The following PI4KA variants were observed in gnomAD, a reference collection of about 807,000 sequenced individuals.
The protein encoded by PI4KA is phosphatidylinositol 4-kinase alpha.
A neutral mutation model predicts 271.4 loss-of-function variants in PI4KA; 122 were observed. The observed-to-expected ratio is 0.45, with a 90% CI of 0.39 to 0.52. The LOEUF is 0.52. Among genes scored for constraint, PI4KA ranks in the 20% least tolerant of loss-of-function variants. PI4KA has a pLI of 0.00. For synonymous variants in PI4KA, 1,041 were observed against 1,078.8 expected (o/e 0.96, Z 0.69); for missense variants, 1,969 against 2,769.1 (o/e 0.71, Z 6.48).
chr22:20,805,078 T>C lies in PI4KA; in HGVS notation c.1256A>G (p.His419Arg), dbSNP rs761524730. 3.7e-6 allele frequency: 6 copies of C among 1,614,110 alleles called. No homozygotes were observed. The highest frequency in any genetic ancestry group is 3.3e-5 in the South Asian group (3 of 91,076). The change falls in exon 11 of 55, where the codon CAT becomes CGT. Residue 419 changes from histidine (H) to arginine (R), a missense_variant. Transcript: ENST00000255882. ...TSQGELQKIL[H>R]DADRIHNELS... Reference sequence around the variant, plus strand: ...CTCATTGTGGATCCGGTCTGCGTCATGTAGAATCTTCTGGAGCTCCCCCTG... The same window carrying C: ...CTCATTGTGGATCCGGTCTGCGTCACGTAGAATCTTCTGGAGCTCCCCCTG...
chr22:20,786,639 C>A (rs192425737), intron 19 of PI4KA, among the ~76,000 whole-genome samples: 6 of 152,262 alleles, frequency 3.9e-5, no homozygotes, highest in Non-Finnish European at 5.9e-5. Context: ...CCAGCCCCCA[C>A]GACCCTCAGA....
chr22:20,756,419 C>T (rs969780199), intron 23 of PI4KA, among the ~76,000 whole-genome samples: 2 of 152,126 alleles, frequency 1.3e-5, no homozygotes, highest in African/African-American at 4.8e-5. Flanking sequence ...GGGGTTTCTC[C>T]GTGTTGGTCA....
At chr22:20,852,899 A>G (rs1395518832) in intron 1 of PI4KA, among the ~76,000 whole-genome samples, 1 of 152,188 alleles carries the variant, frequency 6.6e-6, no homozygotes, top group African/African-American at 2.4e-5. Flanking sequence ...ACATATGTCC[A>G]CCAAGGAGGG....
intron 53 of PI4KA, among the ~76,000 whole-genome samples, 196 bp downstream of exon 53, chr22:20,709,712 T>C (rs1925000668): frequency 8.2e-6 from 1 of 121,288 alleles, no homozygotes; most frequent in Non-Finnish European, 1.7e-5. Context: ...GGGTCTCTGG[T>C]GTGGCCGGCA....
intron 2 of PI4KA, among the ~76,000 whole-genome samples, chr22:20,836,709 G>A (rs1406907609): frequency 1.3e-5 from 2 of 152,178 alleles, no homozygotes; most frequent in Non-Finnish European, 2.9e-5. Context: ...CAGGGGGCTG[G>A]CAAAGCATGC....
chr22:20,746,592 T>TA (rs905023061), intron 29 of PI4KA, among the ~76,000 whole-genome samples: 37 of 152,194 alleles, frequency 2.4e-4, no homozygotes, highest in African/African-American at 8.7e-4. Flanking sequence ...CATAAACACT[T>TA]ACAGTCTATG....
At chr22:20,764,657 G>C (rs890247160) in intron 22 of PI4KA, 160 bp downstream of exon 22, 28 of 622,508 alleles carry the variant, frequency 4.5e-5, no homozygotes, top group Non-Finnish European at 7.0e-5. Flanking sequence ...TCATGAAGGA[G>C]GGGCATACGA....
intron 1 of PI4KA, among the ~76,000 whole-genome samples, chr22:20,852,855 A>G (rs1443573838): frequency 1.3e-5 from 2 of 152,178 alleles, no homozygotes; most frequent in Non-Finnish European, 2.9e-5. Context: ...ATATTCTCCC[A>G]ACTACAGATT....
chr22:20,741,305 A>C (rs562217490), intron 32 of PI4KA, among the ~76,000 whole-genome samples: 33 of 152,302 alleles, frequency 2.2e-4, no homozygotes, highest in Middle Eastern at 3.4e-3. Flanking sequence ...TCTTGTAATG[A>C]TGTCCACCAT....
rs957278946 is a variant in PI4KA at position 20,763,022 on chromosome 22, G to GC, written c.2709-1637_2709-1636insG. On this transcript the variant is annotated intron_variant, in intron 22 of 54. Coordinates refer to ENST00000255882, the MANE Select transcript of PI4KA (RefSeq NM_058004.4). The stretch of plus-strand genomic sequence containing the variant: ...GGTTTTTTTGCTTTTTTTTTTGGGG[G>GC]GGGGGGGGGTTAGAGACAAGTTCTT... Among the ~76,000 whole-genome samples the GC allele has an allele frequency of 1.5e-4, 15 of 102,658 alleles. 1 individual carries two copies. Among genetic ancestry groups the GC allele is most frequent in the African/African-American group, 6.0e-4 (13 of 21,692 alleles). 67.3% of individuals were successfully genotyped at this position (102,658 alleles called of 152,430 possible). A position where few individuals can be genotyped will look rare whatever the true frequency, so the allele number is the denominator to read the frequency against.
intron 8 of PI4KA, 79 bp downstream of exon 8, chr22:20,813,279 C>A: frequency 8.9e-7 from 1 of 1,124,820 alleles, no homozygotes; most frequent in Non-Finnish European, 1.3e-6. Context: ...CTGAGTTTTT[C>A]TTTTAAAAAT....
chr22:20,754,901 T>C (rs759533564), intron 23 of PI4KA, among the ~76,000 whole-genome samples: 8 of 152,134 alleles, frequency 5.3e-5, no homozygotes, highest in Non-Finnish European at 8.8e-5. Context: ...TGAGCTGAGA[T>C]CATGCCACTG....
intron 1 of PI4KA, among the ~76,000 whole-genome samples, chr22:20,852,673 CTCT>C (rs1927135029): frequency 6.6e-6 from 1 of 152,150 alleles, no homozygotes; most frequent in Non-Finnish European, 1.5e-5. Context: ...CTACGGATGG[CTCT>C]TCTTAACATA....
intron 45 of PI4KA, among the ~76,000 whole-genome samples, chr22:20,716,037 G>A (rs774186634): frequency 2.6e-5 from 4 of 151,454 alleles, no homozygotes; most frequent in East Asian, 3.9e-4. Context: ...TTACAGGCAC[G>A]CGCCACCATG....
At chr22:20,800,962 C>G (rs1348331472) in intron 14 of PI4KA, among the ~76,000 whole-genome samples, 2 of 148,994 alleles carry the variant, frequency 1.3e-5, no homozygotes, top group African/African-American at 4.9e-5. Flanking sequence ...ACAATCTCGG[C>G]TCACCGCAAC....
chr22:20,817,821 A>C (rs1922041639), intron 7 of PI4KA, among the ~76,000 whole-genome samples: 1 of 149,398 alleles, frequency 6.7e-6, no homozygotes, highest in Non-Finnish European at 1.5e-5. Context: ...TACATACTTA[A>C]TGTCATTAAA....
chr22:20,802,104 A>C lies in PI4KA; in HGVS notation c.1593T>G (p.Val531=). 6.2e-7 allele frequency: 1 copy of C among 1,613,704 alleles called. No individual in the cohort carries two copies. The highest frequency in any genetic ancestry group is 8.5e-7 in the Non-Finnish European group (1 of 1,179,828). The change falls in exon 14 of 55, where the codon GTT becomes GTG. Residue 531 remains valine, a splice_region_variant and synonymous_variant. Coordinates refer to ENST00000255882, the MANE Select transcript of PI4KA (RefSeq NM_058004.4). ...LYKYHSQYHT[V]AGNDIKISVT... is the part of the protein sequence containing the mutation. ...CACTGATTTTTATATCATTGCCAGC[A>C]ACTGAAAGTAAAAAATTCAAATATA...
intron 26 of PI4KA, 139 bp downstream of exon 26, chr22:20,751,535 C>A (rs965721635): frequency 2.1e-6 from 2 of 945,796 alleles, no homozygotes; most frequent in African/African-American, 1.6e-5. Context: ...GCCCCCTCAC[C>A]CCCAACTCGA....
chr22:20,814,926 G>A (rs536248566), intron 7 of PI4KA, among the ~76,000 whole-genome samples: 21 of 152,202 alleles, frequency 1.4e-4, no homozygotes, highest in African/African-American at 4.8e-4. Context: ...GGAGGCTGAG[G>A]TGGGAAGATC....
Sources: gnomAD v4.1 joint callset for allele counts (sites outside exome capture counted in the v4.1 genomes callset) on GRCh38, gnomAD v4.1.1 for gene constraint, MANE v1.5 for transcripts, NCBI Gene and HGNC (gene_info 2026-07-23, HGNC 2026-07-21) for gene names.